The following ASTN2 variants were observed in gnomAD, a reference collection of about 807,000 sequenced individuals.
ASTN2 encodes the protein astrotactin 2, also known as astrotactin-2.
Under a neutral mutation model 139.8 loss-of-function variants are expected in ASTN2, and 54 were observed. That is an observed-to-expected ratio of 0.39 (90% CI 0.31 to 0.48). The LOEUF is 0.48. Among genes scored for constraint, ASTN2 ranks in the 20% least tolerant of loss-of-function variants. ASTN2 has a pLI of 0.95. For synonymous variants in ASTN2, 756 were observed against 719.5 expected, an observed-to-expected ratio of 1.05 and a Z score of -0.81; for missense variants, 1,565 against 1,725.1, an observed-to-expected ratio of 0.91 and a Z score of 1.64.
chr9:116,713,286 G>A (rs1828220194), intron 16 of ASTN2, among the ~76,000 whole-genome samples: 1 of 152,130 alleles, frequency 6.6e-6, no homozygotes, highest in Admixed American at 6.5e-5. Flanking sequence ...CTGGGCATCT[G>A]TGGAGTAGGA....
intron 14 of ASTN2, among the ~76,000 whole-genome samples, chr9:116,732,355 G>T (rs1055471409): frequency 6.6e-6 from 1 of 152,162 alleles, no homozygotes; most frequent in African/African-American, 2.4e-5. Flanking sequence ...CTCCATCTAT[G>T]CTCTTTTACA....
chr9:117,153,191 T>G (rs2132883836), intron 3 of ASTN2, among the ~76,000 whole-genome samples: 1 of 152,138 alleles, frequency 6.6e-6, no homozygotes, highest in South Asian at 2.1e-4. Flanking sequence ...CACTTGCATC[T>G]GACACCACCA....
chr9:116,605,942 T>A (rs1855171623), intron 19 of ASTN2, among the ~76,000 whole-genome samples: 1 of 152,114 alleles, frequency 6.6e-6, no homozygotes, highest in Non-Finnish European at 1.5e-5. Context: ...TAACTCACCA[T>A]GTGTGTAAGC....
At chr9:117,275,282 T>G (rs1223448893) in intron 2 of ASTN2, among the ~76,000 whole-genome samples, 1 of 152,112 alleles carries the variant, frequency 6.6e-6, no homozygotes, top group Non-Finnish European at 1.5e-5. Context: ...ACTTTCACAT[T>G]TTTAGGAATT....
intron 11 of ASTN2, among the ~76,000 whole-genome samples, chr9:116,855,162 A>T (rs1329990094): frequency 1.3e-5 from 2 of 152,234 alleles, no homozygotes; most frequent in African/African-American, 4.8e-5. Context: ...AAATGTCATG[A>T]GAAGAAAAAA....
chr9:117,035,949 A>G (rs1023901094), intron 6 of ASTN2, among the ~76,000 whole-genome samples: 2 of 152,182 alleles, frequency 1.3e-5, no homozygotes, highest in South Asian at 4.1e-4. Flanking sequence ...GCCTTGCCAT[A>G]TTCCAGCTTC....
intron 5 of ASTN2, among the ~76,000 whole-genome samples, chr9:117,054,562 T>C (rs1481389001): frequency 2.0e-5 from 3 of 152,200 alleles, no homozygotes; most frequent in Non-Finnish European, 2.9e-5. Flanking sequence ...TCAGGGGTCA[T>C]AGAATGATTA....
chr9:116,557,568 C>T (rs1340855191), intron 19 of ASTN2: 1 of 152,106 alleles, frequency 6.6e-6, no homozygotes, highest in Non-Finnish European at 1.5e-5. Flanking sequence ...GATGGATGGC[C>T]ACGAGTTTCT....
At chr9:116,523,232 T>C (rs948704397) in intron 19 of ASTN2, among the ~76,000 whole-genome samples, 8 of 151,446 alleles carry the variant, frequency 5.3e-5, no homozygotes, top group Non-Finnish European at 1.0e-4. Context: ...CAGTTATAAG[T>C]GACAGAAGGC....
At chr9:116,584,689 C>G (rs925409459) in intron 19 of ASTN2, 21 of 152,260 alleles carry the variant, frequency 1.4e-4, no homozygotes, top group African/African-American at 4.8e-4. Context: ...AAAGTCCTAG[C>G]TACAGCAATT....
chr9:116,761,263 A>G (rs1317350757), intron 13 of ASTN2, among the ~76,000 whole-genome samples: 1 of 152,212 alleles, frequency 6.6e-6, no homozygotes, highest in African/African-American at 2.4e-5. Flanking sequence ...CAGATAAATG[A>G]GACATCCCTT....
At chr9:116,650,777 G>C (rs1016910855) in intron 17 of ASTN2, among the ~76,000 whole-genome samples, 2 of 152,058 alleles carry the variant, frequency 1.3e-5, no homozygotes, top group African/African-American at 4.8e-5. Context: ...ATGCATGAGA[G>C]GTAAAAATGA....
chr9:116,981,682 G>C (rs1226615540), intron 7 of ASTN2, among the ~76,000 whole-genome samples: 2 of 152,124 alleles, frequency 1.3e-5, no homozygotes, highest in African/African-American at 4.8e-5. Flanking sequence ...GAAGTCTTTT[G>C]CATCAATTTT....
chr9:117,085,281 C>T (rs190294414), intron 5 of ASTN2, among the ~76,000 whole-genome samples: 1 of 152,152 alleles, frequency 6.6e-6, no homozygotes, highest in Admixed American at 6.5e-5. Context: ...TAAGTTCTTA[C>T]TTCTTACTGA....
At chr9:116,711,766 T>A (rs1828169211) in intron 16 of ASTN2, among the ~76,000 whole-genome samples, 1 of 152,170 alleles carries the variant, frequency 6.6e-6, no homozygotes, top group Non-Finnish European at 1.5e-5. Flanking sequence ...GAAGTTCTCA[T>A]CATTCTAGCC....
At chr9:116,463,618 TTC>T (rs999322237) in intron 20 of ASTN2, among the ~76,000 whole-genome samples, 1 of 152,198 alleles carries the variant, frequency 6.6e-6, no homozygotes, top group African/African-American at 2.4e-5. Flanking sequence ...CTGGGAAGCC[TTC>T]TCTGACAGTT....
At chr9:117,060,534 GA>G (rs1564406854) in intron 5 of ASTN2, among the ~76,000 whole-genome samples, 5 of 124,860 alleles carry the variant, frequency 4.0e-5, no homozygotes, top group Middle Eastern at 3.9e-3. Flanking sequence ...AGGAAGGAAG[GA>G]AAGAAAGAAA....
At position 116,630,331 on chromosome 9, in the gene ASTN2, A is replaced by G. The variant is rs1856685149; in HGVS notation, c.3073-9888T>C. ...ACTTTCATCTCCATAAACAGCCTGTATATTAGGTTGTATTGTTTCCATGCA... is the reference window on the plus strand; with the variant it reads ...ACTTTCATCTCCATAAACAGCCTGTGTATTAGGTTGTATTGTTTCCATGCA... On this transcript the variant is annotated intron_variant, in intron 17 of 22. Transcript: ENST00000313400. Among the ~76,000 whole-genome samples the G allele has an allele frequency of 2.0e-5, 3 of 152,194 alleles. No individual in the cohort carries two copies. The South Asian group carries it at 6.2e-4, about 32-fold the overall frequency.
At chr9:116,456,305 G>A (rs1319550132) in intron 20 of ASTN2, among the ~76,000 whole-genome samples, 1 of 151,906 alleles carries the variant, frequency 6.6e-6, no homozygotes, top group Non-Finnish European at 1.5e-5. Context: ...CTGAAGAAGT[G>A]AAATATTTCT....
Sources: allele counts gnomAD v4.1 joint callset (sites outside exome capture counted in the v4.1 genomes callset), GRCh38; gene constraint gnomAD v4.1.1; transcripts MANE v1.5; gene names NCBI Gene and HGNC (gene_info 2026-07-23, HGNC 2026-07-21).